The following KDM4C variants were observed in gnomAD, a reference collection of about 807,000 sequenced individuals.
The protein encoded by KDM4C is lysine-specific demethylase 4C.
In KDM4C, 81 loss-of-function variants were observed where a neutral mutation model predicts 129.3. The ratio of observed to expected loss-of-function variants is 0.63; its 90% CI spans 0.52 to 0.75. The LOEUF (loss-of-function observed/expected upper bound fraction) is 0.75, where lower values mean the gene tolerates loss of function less well. Among genes scored for constraint, KDM4C ranks in the 30% least tolerant of loss-of-function variants. KDM4C has a pLI of 0.00. For synonymous variants in KDM4C, 573 were observed against 456.1 expected, an observed-to-expected ratio of 1.26 and a Z score of -3.26; for missense variants, 1,457 against 1,304.0, an observed-to-expected ratio of 1.12 and a Z score of -1.81.
rs116591702 is a variant in KDM4C at position 6,735,792 on chromosome 9, T to C, written c.49+14795T>C. Among the ~76,000 whole-genome samples the C allele has an allele frequency of 9.4e-3, 1,427 of 152,236 alleles. 19 individuals carry two copies. Among genetic ancestry groups the C allele is most frequent in the African/African-American group, 0.033 (1,357 of 41,544 alleles). ...GTACTAGTAGAGCAGGGCACTGCTG[T>C]AGATACCCAAAAATGTGGAAGCTAC... is the stretch of plus-strand genomic sequence containing the variant. On this transcript the variant is annotated intron_variant, in intron 1 of 17. Transcript: ENST00000536108.
chr9:7,145,511 A>C (rs1327324938), intron 19 of KDM4C, among the ~76,000 whole-genome samples: 1 of 150,968 alleles, frequency 6.6e-6, no homozygotes, highest in Non-Finnish European at 1.5e-5. Context: ...TTTTCCCCCA[A>C]CTCCTCCAGA....
chr9:6,825,500 T>TA (rs1833741091), intron 4 of KDM4C, among the ~76,000 whole-genome samples: 1 of 152,194 alleles, frequency 6.6e-6, no homozygotes, highest in Non-Finnish European at 1.5e-5. Context: ...GCATTCCTGA[T>TA]ATGTTTCTGA....
intron 4 of KDM4C, among the ~76,000 whole-genome samples, chr9:6,819,753 T>A (rs370742397): frequency 6.6e-6 from 1 of 152,240 alleles, no homozygotes; most frequent in East Asian, 1.9e-4. Flanking sequence ...TAATAATTGC[T>A]TACTGTCAGG....
At chr9:7,031,655 C>A (rs1406174516) in intron 15 of KDM4C, among the ~76,000 whole-genome samples, 2 of 151,718 alleles carry the variant, frequency 1.3e-5, no homozygotes, top group Non-Finnish European at 2.9e-5. Context: ...ATATAAACAG[C>A]CACCAATATT....
chr9:6,815,619 T>A (rs1400006595), intron 4 of KDM4C, among the ~76,000 whole-genome samples: 1 of 152,220 alleles, frequency 6.6e-6, no homozygotes, highest in Non-Finnish European at 1.5e-5. Context: ...TTAAGCATCC[T>A]TCATCCAGAA....
intron 11 of KDM4C, among the ~76,000 whole-genome samples, chr9:6,990,099 G>A (rs1483354211): frequency 6.6e-6 from 1 of 152,142 alleles, no homozygotes; most frequent in African/African-American, 2.4e-5. Flanking sequence ...ATTTACATTA[G>A]TTGTAAGAAC....
chr9:6,946,023 A>G (rs185762420), intron 8 of KDM4C, among the ~76,000 whole-genome samples: 2 of 152,276 alleles, frequency 1.3e-5, no homozygotes, highest in Non-Finnish European at 1.5e-5. Flanking sequence ...GTAAATTTGC[A>G]TGAATTCCTT....
At chr9:6,952,127 G>T (rs6477132) in intron 8 of KDM4C, among the ~76,000 whole-genome samples, 112,358 of 151,368 alleles carry the variant, frequency 0.74, 42,140 homozygotes, top group East Asian at 1. Flanking sequence ...AGGAAAATGT[G>T]TGAAAAATTA....
At chr9:6,764,558 CTA>C (rs1407957615) in intron 1 of KDM4C, among the ~76,000 whole-genome samples, 1 of 152,138 alleles carries the variant, frequency 6.6e-6, no homozygotes, top group Non-Finnish European at 1.5e-5. Flanking sequence ...ACTGGATTCC[CTA>C]TGATTTCATG....
intron 19 of KDM4C, among the ~76,000 whole-genome samples, chr9:7,157,431 C>A (rs956537105): frequency 6.6e-6 from 1 of 152,076 alleles, no homozygotes; most frequent in Non-Finnish European, 1.5e-5. Flanking sequence ...TGTCTTGTGC[C>A]GCTTTTTAAA....
intron 2 of KDM4C, 79 bp downstream of exon 2, chr9:6,793,211 C>A: frequency 6.7e-7 from 1 of 1,488,062 alleles, no homozygotes; most frequent in Admixed American, 2.0e-5. Context: ...CGATTTGGGA[C>A]ATTGTTTCTG....
intron 8 of KDM4C, among the ~76,000 whole-genome samples, chr9:6,900,425 C>T (rs150699217): frequency 2.3e-4 from 35 of 152,350 alleles, no homozygotes; most frequent in African/African-American, 7.9e-4. Flanking sequence ...CTGATGTCAC[C>T]ACCAAGTGGC....
chr9:6,817,281 A>G (rs1832289551), intron 4 of KDM4C, among the ~76,000 whole-genome samples: 1 of 136,984 alleles, frequency 7.3e-6, no homozygotes, highest in Admixed American at 8.5e-5. Context: ...GGCTCACTGC[A>G]GCCTTGACCT....
At chr9:7,072,666 C>T (rs956129598) in intron 17 of KDM4C, among the ~76,000 whole-genome samples, 11 of 152,180 alleles carry the variant, frequency 7.2e-5, no homozygotes, top group African/African-American at 2.7e-4. Context: ...GTGCTGATGG[C>T]ACTGTGGTGT....
At chr9:6,764,914 C>T (rs1186973356) in intron 1 of KDM4C, among the ~76,000 whole-genome samples, 1 of 152,224 alleles carries the variant, frequency 6.6e-6, no homozygotes, top group African/African-American at 2.4e-5. Flanking sequence ...CATCTCATCT[C>T]ATTTCATTGC....
At chr9:7,002,736 A>G (rs1035467168) in intron 12 of KDM4C, among the ~76,000 whole-genome samples, 12 of 152,172 alleles carry the variant, frequency 7.9e-5, no homozygotes, top group African/African-American at 2.9e-4. Context: ...AGATGATGCT[A>G]GCATCATTTT....
chr9:6,730,202 G>C (rs937549086), intron 1 of KDM4C, among the ~76,000 whole-genome samples: 1 of 152,168 alleles, frequency 6.6e-6, no homozygotes, highest in African/African-American at 2.4e-5. Context: ...CGAAGAAAAA[G>C]CAACAGGGCT....
At chr9:6,757,827 G>C (rs1249402446), upstream of KDM4C, 17 of 985,510 alleles carry the variant, frequency 1.7e-5, no homozygotes, top group Non-Finnish European at 2.0e-5. Flanking sequence ...GAAGATGCGC[G>C]CCAGCAAGCC....
chr9:7,100,763 TTTTTCTTTTCTTTTC>T (rs149393177), intron 17 of KDM4C, among the ~76,000 whole-genome samples: 36 of 152,104 alleles, frequency 2.4e-4, no homozygotes, highest in Non-Finnish European at 2.9e-4. Context: ...TTTTCTTTCT[TTTTTCTTTTCTTTTC>T]TTTTCTTTTT....
Sources: allele counts gnomAD v4.1 joint callset (sites outside exome capture counted in the v4.1 genomes callset), GRCh38; gene constraint gnomAD v4.1.1; transcripts MANE v1.5; gene names NCBI Gene and HGNC (gene_info 2026-07-23, HGNC 2026-07-21).